The following SORCS3 variants were observed in gnomAD, a reference collection of about 807,000 sequenced individuals.
SORCS3 encodes the protein sortilin related VPS10 domain containing receptor 3.
Under a neutral mutation model 146.3 loss-of-function variants are expected in SORCS3, and 57 were observed. The observed-to-expected ratio is 0.39, with a 90% CI of 0.31 to 0.49. The LOEUF is 0.49. SORCS3 is among the 20% of genes least tolerant of loss of function. The pLI, the probability that SORCS3 is intolerant of heterozygous loss-of-function variation, is 0.92. For synonymous variants in SORCS3, 653 were observed against 618.5 expected (o/e 1.06, Z -0.83); for missense variants, 1,341 against 1,575.5 (o/e 0.85, Z 2.52).
At chr10:104,952,027 A>G (rs920199741) in intron 3 of SORCS3, among the ~76,000 whole-genome samples, 1 of 151,622 alleles carries the variant, frequency 6.6e-6, no homozygotes, top group African/African-American at 2.4e-5. Flanking sequence ...AGTTAGCACC[A>G]GCACGGCAAT....
At chr10:105,243,147 A>G (rs1589707110) in intron 20 of SORCS3, among the ~76,000 whole-genome samples, 4 of 149,258 alleles carry the variant, frequency 2.7e-5, no homozygotes, top group African/African-American at 9.9e-5. Context: ...TAGCAAAGGT[A>G]ATGAACCAAT....
chr10:105,160,628 A>T (rs116723784), intron 11 of SORCS3, among the ~76,000 whole-genome samples: 1 of 152,224 alleles, frequency 6.6e-6, no homozygotes, highest in African/African-American at 2.4e-5. Context: ...CTCTGGCTCA[A>T]TAAATAATAA....
rs2056983708 is a variant in SORCS3, at chr10:105,265,060, G to T, written c.*1686G>T. On this transcript the variant is annotated 3_prime_UTR_variant, in exon 27 of 27. Transcript: ENST00000369701. Reference sequence around the variant, plus strand: ...TTTTTTGTTTCAAGGGTTAAATGGGGCAGACAATTGCAATACTTGTACTAA... The same window carrying T: ...TTTTTTGTTTCAAGGGTTAAATGGGTCAGACAATTGCAATACTTGTACTAA... 1 of 152,480 alleles carries T rather than the reference G, an allele frequency of 6.6e-6. No individual in the cohort carries two copies. The highest frequency in any genetic ancestry group is 2.4e-5 in the African/African-American group (1 of 41,380). 9.4% of individuals were successfully genotyped at this position (152,480 alleles called of 1,614,324 possible). A position where few individuals can be genotyped will look rare whatever the true frequency, so the allele number is the denominator to read the frequency against.
intron 20 of SORCS3, among the ~76,000 whole-genome samples, chr10:105,242,780 A>T (rs2056841184): frequency 9.4e-6 from 1 of 105,832 alleles, no homozygotes; most frequent in African/African-American, 4.0e-5. Flanking sequence ...TTATATATTT[A>T]TATATTTATA....
chr10:105,170,888 C>T (rs1211360640), intron 13 of SORCS3, among the ~76,000 whole-genome samples: 1 of 152,120 alleles, frequency 6.6e-6, no homozygotes, highest in Non-Finnish European at 1.5e-5. Context: ...GCTTCTGAAA[C>T]TTAAGCCAGC....
intron 1 of SORCS3, among the ~76,000 whole-genome samples, chr10:104,819,900 G>T (rs117235829): frequency 8.5e-5 from 13 of 152,296 alleles, no homozygotes; most frequent in Non-Finnish European, 1.8e-4. Context: ...CCAGAGCCAA[G>T]ATTGCTCATG....
At chr10:104,817,204 A>G (rs1439696517) in intron 1 of SORCS3, among the ~76,000 whole-genome samples, 3 of 152,204 alleles carry the variant, frequency 2.0e-5, no homozygotes, top group Non-Finnish European at 2.9e-5. Flanking sequence ...GATAGGGCCC[A>G]TGGATTTCCT....
intron 1 of SORCS3, among the ~76,000 whole-genome samples, chr10:104,808,219 T>C (rs186578263): frequency 1.6e-3 from 249 of 152,258 alleles, no homozygotes; most frequent in Non-Finnish European, 2.6e-3. Context: ...CTTTTGTGAG[T>C]TGGTGAAGGA....
intron 3 of SORCS3, among the ~76,000 whole-genome samples, chr10:104,924,894 G>C (rs2019123855): frequency 6.6e-6 from 1 of 152,118 alleles, no homozygotes; most frequent in Non-Finnish European, 1.5e-5. Flanking sequence ...CCAGCAAAAT[G>C]CTTTAATTTT....
chr10:105,106,196 T>C (rs187146737), intron 7 of SORCS3, among the ~76,000 whole-genome samples: 1 of 152,338 alleles, frequency 6.6e-6, no homozygotes, highest in East Asian at 1.9e-4. Context: ...TGGTATTTGA[T>C]TGCAACCTTG....
intron 3 of SORCS3, among the ~76,000 whole-genome samples, chr10:104,945,739 G>C (rs941856476): frequency 1.3e-5 from 2 of 151,712 alleles, no homozygotes; most frequent in Non-Finnish European, 2.9e-5. Context: ...AATTCACCGG[G>C]ATACACTTTT....
At chr10:105,020,637 C>G (rs1165436348) in intron 4 of SORCS3, among the ~76,000 whole-genome samples, 3 of 152,204 alleles carry the variant, frequency 2.0e-5, no homozygotes, top group African/African-American at 2.4e-5. Flanking sequence ...CAAAACAACT[C>G]TCCTTTCTCC....
chr10:104,767,871 G>A (rs2017199985), intron 1 of SORCS3, among the ~76,000 whole-genome samples: 1 of 141,268 alleles, frequency 7.1e-6, no homozygotes, highest in South Asian at 2.3e-4. Flanking sequence ...AAATTTATGA[G>A]TCTATTAGAG....
chr10:104,726,590 G>A (rs2016637394), intron 1 of SORCS3, among the ~76,000 whole-genome samples: 1 of 151,816 alleles, frequency 6.6e-6, no homozygotes, highest in African/African-American at 2.4e-5. Flanking sequence ...CCCCCAGGGG[G>A]CTCTCCGTTG....
intron 2 of SORCS3, among the ~76,000 whole-genome samples, chr10:104,870,203 C>T (rs370124412): frequency 2.0e-5 from 3 of 152,160 alleles, no homozygotes; most frequent in African/African-American, 7.2e-5. Flanking sequence ...TAAAAGCACA[C>T]ATTTAAATTA....
chr10:104,889,903 G>A (rs1021360), intron 2 of SORCS3, among the ~76,000 whole-genome samples: 141,736 of 152,194 alleles, frequency 0.93, 66,152 homozygotes, highest in East Asian at 1. Flanking sequence ...ACAGATGATA[G>A]TTCTTTCATC....
chr10:104,858,812 G>A (rs1212047859), intron 2 of SORCS3, among the ~76,000 whole-genome samples: 2 of 151,464 alleles, frequency 1.3e-5, no homozygotes, highest in Non-Finnish European at 2.9e-5. Context: ...TAGTAGAGAC[G>A]GGGTTTTTCC....
chr10:105,200,245 AT>A (rs2056566727), intron 15 of SORCS3, 129 bp downstream of exon 15: 1 of 704,860 alleles, frequency 1.4e-6, no homozygotes, highest in African/African-American at 1.8e-5. Flanking sequence ...GTGGGTGTGG[AT>A]TTGGAGAAAA....
At chr10:105,062,130 T>G in intron 5 of SORCS3, among the ~76,000 whole-genome samples, 1 of 152,320 alleles carries the variant, frequency 6.6e-6, no homozygotes, top group Non-Finnish European at 1.5e-5. Context: ...AATGAAATAA[T>G]ACATGAATAG....
Sources: allele counts gnomAD v4.1 joint callset (sites outside exome capture counted in the v4.1 genomes callset), GRCh38; gene constraint gnomAD v4.1.1; transcripts MANE v1.5; gene names NCBI Gene and HGNC (gene_info 2026-07-23, HGNC 2026-07-21).